Variants in FMO2 observed in about 807,000 individuals in gnomAD.
FMO2 encodes the protein flavin-containing monooxygenase 2.
A neutral mutation model predicts 41.6 loss-of-function variants in FMO2; 33 were observed. The ratio of observed to expected loss-of-function variants is 0.79; its 90% CI spans 0.60 to 1.06. The LOEUF (loss-of-function observed/expected upper bound fraction) is 1.06. Among genes scored for constraint, FMO2 ranks in the 50% least tolerant of loss-of-function variants. The pLI, the probability that FMO2 is intolerant of heterozygous loss-of-function variation, is 0.00. For synonymous variants in FMO2, 214 were observed against 219.6 expected (o/e 0.97, Z 0.23); for missense variants, 619 against 632.9 (o/e 0.98, Z 0.23).
At chr1:171,186,074 T>C in intron 2 of FMO2, 1 of 374,566 alleles carries the variant, frequency 2.7e-6, no homozygotes, top group Non-Finnish European at 4.9e-6. Context: ...TCTCTTCTTT[T>C]GGATTCAGCA....
At chr1:171,199,760 A>G (rs1025698400) in intron 5 of FMO2, among the ~76,000 whole-genome samples, 1 of 152,130 alleles carries the variant, frequency 6.6e-6, no homozygotes, top group African/African-American at 2.4e-5. Context: ...ATGATTTTCC[A>G]TATAAGAGGC....
In FMO2 at chr1:171,211,322, A is replaced by G. The variant is rs993556773; in HGVS notation, c.*2177A>G. The G allele has an allele frequency of 1.2e-4, 19 of 152,334 alleles. No individual in the cohort carries two copies. The highest frequency in any genetic ancestry group is 2.0e-4 in the Admixed American group (3 of 15,300). 9.4% of individuals were successfully genotyped at this position (152,334 alleles called of 1,614,324 possible). A position where few individuals can be genotyped will look rare whatever the true frequency, so the allele number is the denominator to read the frequency against. ...CGCAACAGAATCTCTGTGGCCCACAAGGCTAAAATATTTACATTCTCACCC... is the reference window on the plus strand; with the variant it reads ...CGCAACAGAATCTCTGTGGCCCACAGGGCTAAAATATTTACATTCTCACCC... On this transcript the variant is annotated 3_prime_UTR_variant, in exon 9 of 9. Transcript: ENST00000209929.
At chr1:171,201,954 G>C (rs1263596127) in intron 5 of FMO2, among the ~76,000 whole-genome samples, 2 of 152,028 alleles carry the variant, frequency 1.3e-5, no homozygotes, top group Non-Finnish European at 2.9e-5. Flanking sequence ...TGACACGTGG[G>C]GATTATTATA....
intron 4 of FMO2, 86 bp downstream of exon 4, chr1:171,196,897 C>T: frequency 8.1e-7 from 1 of 1,228,602 alleles, no homozygotes; most frequent in Non-Finnish European, 1.2e-6. Flanking sequence ...GGATTCATTG[C>T]TGCAACTGGG....
At chr1:171,186,132 A>T (rs1296516380) in intron 2 of FMO2, 1 of 210,200 alleles carries the variant, frequency 4.8e-6, no homozygotes, top group Non-Finnish European at 9.5e-6. Context: ...CGCTAATATT[A>T]GAGAACATTT....
intron 5 of FMO2, 45 bp from the exon 6 acceptor site, chr1:171,203,820 C>T (rs377121330): frequency 1.6e-4 from 244 of 1,536,076 alleles, no homozygotes; most frequent in Non-Finnish European, 2.0e-4. Context: ...TCCTCCTAAA[C>T]GGGACAATGC....
chr1:171,206,816 A>G (rs1047090869), intron 7 of FMO2, among the ~76,000 whole-genome samples: 1 of 152,220 alleles, frequency 6.6e-6, no homozygotes, highest in Admixed American at 6.5e-5. Context: ...GAAATAGCCT[A>G]TGCTAAAATA....
chr1:171,190,342 G>A (rs928080999), intron 2 of FMO2, among the ~76,000 whole-genome samples: 2 of 152,074 alleles, frequency 1.3e-5, no homozygotes, highest in Admixed American at 1.3e-4. Flanking sequence ...TATATTAGAA[G>A]AATTCTTTAT....
chr1:171,203,456 C>G (rs1458703816), intron 5 of FMO2, among the ~76,000 whole-genome samples: 1 of 152,132 alleles, frequency 6.6e-6, no homozygotes, highest in Non-Finnish European at 1.5e-5. Context: ...TGTGTAGTCA[C>G]TAGGCTATAA....
intron 7 of FMO2, 40 bp from the exon 8 acceptor site, chr1:171,207,678 G>A: frequency 7.8e-7 from 1 of 1,281,170 alleles, no homozygotes; most frequent in Non-Finnish European, 1.1e-6. Flanking sequence ...TAATGATATT[G>A]ACTCAAACTT....
Position 171,198,595 on chromosome 1 carries a change from T to C in FMO2, c.485-751T>C, listed in dbSNP as rs1015711012. ...CCCTGGCTAATTTTTGTATTTTTAGTAGAGAGAGCTTCATCATGTTGGCCA... is the reference window on the plus strand; with the variant it reads ...CCCTGGCTAATTTTTGTATTTTTAGCAGAGAGAGCTTCATCATGTTGGCCA... On this transcript the variant is annotated intron_variant, in intron 4 of 8. Coordinates refer to ENST00000209929, the MANE Select transcript of FMO2 (RefSeq NM_001460.5). Among the ~76,000 whole-genome samples, 4 of 152,022 alleles carry C rather than the reference T, an allele frequency of 2.6e-5. No homozygotes were observed. The East Asian group carries it at 5.8e-4, about 22-fold the overall frequency.
chr1:171,194,168 T>C (rs1271409418), intron 3 of FMO2, among the ~76,000 whole-genome samples: 1 of 152,352 alleles, frequency 6.6e-6, no homozygotes, highest in East Asian at 1.9e-4. Flanking sequence ...ATTAAATTGC[T>C]GTTTTGTTTT....
At position 171,188,722 on chromosome 1, in the gene FMO2, C is replaced by A. The variant is rs28369816; in HGVS notation, c.132+2877C>A. ...GGTTATTTATTAATTTTTGTATTTA[C>A]ACAACTCCTACTGGGATTACTTAAC... On this transcript the variant is annotated intron_variant, in intron 2 of 8. Coordinates refer to ENST00000209929, the MANE Select transcript of FMO2 (RefSeq NM_001460.5). 5.3e-5 allele frequency among the ~76,000 whole-genome samples: 8 copies of A among 152,274 alleles called. No individual in the cohort carries two copies. The East Asian group carries it at 1.5e-3, about 29-fold the overall frequency.
chr1:171,185,602 A>C (rs1657808887), intron 1 of FMO2, 106 bp from the exon 2 acceptor site: 1 of 1,103,888 alleles, frequency 9.1e-7, no homozygotes, highest in Non-Finnish European at 1.3e-6. Flanking sequence ...CTGCTTATTA[A>C]ATTACCACTG....
At chr1:171,201,926 T>C (rs1332554699) in intron 5 of FMO2, among the ~76,000 whole-genome samples, 1 of 152,150 alleles carries the variant, frequency 6.6e-6, no homozygotes, top group Non-Finnish European at 1.5e-5. Context: ...CTGAATTATC[T>C]CCACCTGGTC....
chr1:171,198,632 AATTC>A (rs1437923635), intron 4 of FMO2, among the ~76,000 whole-genome samples: 1 of 152,066 alleles, frequency 6.6e-6, no homozygotes, highest in Non-Finnish European at 1.5e-5. Context: ...GCTGGTTTCA[AATTC>A]CTGACCTCAG....
intron 5 of FMO2, among the ~76,000 whole-genome samples, chr1:171,200,647 G>A (rs1356318012): frequency 6.6e-6 from 1 of 152,128 alleles, no homozygotes; most frequent in East Asian, 1.9e-4. Context: ...TCATCTATCA[G>A]TCAGTTAGTT....
In FMO2 at chr1:171,208,954, T is replaced by G. The variant is rs1284668600; in HGVS notation, c.1417T>G (p.Tyr473Asp). ...LYFGPCNSYQYRLVGPGQWEG... is the reference protein window; with the variant it reads ...LYFGPCNSYQDRLVGPGQWEG... ...TTTCGGACCCTGCAACTCCTATCAG[T>G]ATCGCCTGGTTGGGCCTGGGCAATG... The change falls in exon 9 of 9, where the codon TAT (tyrosine) becomes GAT (aspartate). Residue 473 changes from tyrosine (Y) to aspartate (D), a missense_variant. Physicochemically the swap from Tyr to Asp is radical, Grantham distance 160. Transcript: ENST00000209929. The G allele has an allele frequency of 1.9e-6, 3 of 1,613,114 alleles. No homozygotes were observed. Among genetic ancestry groups the G allele is most frequent in the Non-Finnish European group, 8.5e-7 (1 of 1,179,578 alleles).
Position 171,193,066 on chromosome 1 carries a change from A to G in FMO2, c.133-269A>G, listed in dbSNP as rs28369846. Among the ~76,000 whole-genome samples the G allele has an allele frequency of 7.6e-3, 1,160 of 152,278 alleles. 25 individuals are homozygous for G. Among genetic ancestry groups the G allele is most frequent in the African/African-American group, 0.026 (1,099 of 41,544 alleles). ...AGACCTAGGATGCTAATATCTTGCA[A>G]TGTGCCAAAATAATTGTCCCTGTCC... On this transcript the variant is annotated intron_variant, in intron 2 of 8. Transcript: ENST00000209929.
Sources: gnomAD v4.1 joint callset for allele counts (sites outside exome capture counted in the v4.1 genomes callset) on GRCh38, gnomAD v4.1.1 for gene constraint, MANE v1.5 for transcripts, NCBI Gene and HGNC (gene_info 2026-07-23, HGNC 2026-07-21) for gene names.